NFIA: variants seen among roughly 807,000 people sequenced by gnomAD.
NFIA encodes nuclear factor I A.
In NFIA, 8 loss-of-function variants were observed where a neutral mutation model predicts 62.8. The observed-to-expected ratio is 0.13, with a 90% CI of 0.07 to 0.23. The LOEUF (loss-of-function observed/expected upper bound fraction) is 0.23, where lower values mean the gene tolerates loss of function less well. NFIA is among the 10% of genes least tolerant of loss of function. The pLI is 1.00. For synonymous variants in NFIA, 235 were observed against 238.1 expected (o/e 0.99, Z 0.12); for missense variants, 410 against 642.1 (o/e 0.64, Z 3.91).
At chr1:61,413,361 A>G (rs1454017721) in intron 9 of NFIA, among the ~76,000 whole-genome samples, 2 of 152,118 alleles carry the variant, frequency 1.3e-5, no homozygotes, top group Non-Finnish European at 2.9e-5. Context: ...CTTTTTACAT[A>G]TGTATTATCT....
intron 6 of NFIA, among the ~76,000 whole-genome samples, chr1:61,379,337 C>T (rs1664295699): frequency 6.6e-6 from 1 of 151,736 alleles, no homozygotes; most frequent in South Asian, 2.1e-4. Context: ...ATCCTCCTGC[C>T]TCAGCCTTCT....
chr1:61,248,337 A>G (rs932786557), intron 2 of NFIA, among the ~76,000 whole-genome samples: 1 of 152,208 alleles, frequency 6.6e-6, no homozygotes, highest in Non-Finnish European at 1.5e-5. Flanking sequence ...TGGATTTCGT[A>G]AAAATGCACA....
chr1:61,085,115 C>T (rs956064759), intron 1 of NFIA, among the ~76,000 whole-genome samples: 8 of 151,580 alleles, frequency 5.3e-5, no homozygotes, highest in Non-Finnish European at 1.2e-4. Flanking sequence ...GTTTATTGCT[C>T]ATTAAAAAAA....
At chr1:61,252,503 T>A (rs941503712) in intron 2 of NFIA, among the ~76,000 whole-genome samples, 1 of 152,222 alleles carries the variant, frequency 6.6e-6, no homozygotes, top group Non-Finnish European at 1.5e-5. Context: ...TACAAAAATT[T>A]CTGTCAGATT....
Position 61,274,334 on chromosome 1 carries a change from C to CT in NFIA, c.560-3185dup, listed in dbSNP as rs752234690. On this transcript the variant is annotated intron_variant, in intron 2 of 10. Transcript: ENST00000403491. ...TTGCTTTTCAAGGTTAGGTTGAAGT[C>CT]TAAGTTTCCTTAAACAAAAAGCAAA... 1.9e-3 allele frequency among the ~76,000 whole-genome samples: 287 copies of CT among 152,252 alleles called. 1 individual carries two copies. Among genetic ancestry groups the CT allele is most frequent in the Admixed American group, 6.0e-3 (92 of 15,284 alleles).
intron 5 of NFIA, among the ~76,000 whole-genome samples, chr1:61,358,614 G>C (rs746750903): frequency 6.6e-6 from 1 of 152,006 alleles, no homozygotes; most frequent in Non-Finnish European, 1.5e-5. Context: ...TCAAACTCCT[G>C]ACCTCAAGTG....
At chr1:61,207,652 T>C (rs947757146) in intron 2 of NFIA, among the ~76,000 whole-genome samples, 4 of 152,164 alleles carry the variant, frequency 2.6e-5, no homozygotes, top group African/African-American at 9.7e-5. Context: ...CCAGATGGAA[T>C]TCCTATGAAT....
intron 3 of NFIA, among the ~76,000 whole-genome samples, chr1:61,297,195 C>T (rs887431966): frequency 1.3e-5 from 2 of 152,194 alleles, no homozygotes; most frequent in Admixed American, 6.5e-5. Context: ...AAATCACTCT[C>T]TTTTCAAGAT....
At chr1:61,282,491 C>T (rs1325165790) in intron 3 of NFIA, among the ~76,000 whole-genome samples, 1 of 152,140 alleles carries the variant, frequency 6.6e-6, no homozygotes, top group African/African-American at 2.4e-5. Context: ...ATTTACAGGG[C>T]CTGTGAACAG....
chr1:61,234,762 T>TA (rs1309566681), intron 2 of NFIA, among the ~76,000 whole-genome samples: 1 of 152,218 alleles, frequency 6.6e-6, no homozygotes, highest in African/African-American at 2.4e-5. Flanking sequence ...GCGGATGACT[T>TA]ACAAGTTACT....
intron 2 of NFIA, among the ~76,000 whole-genome samples, chr1:61,253,209 G>A (rs992840987): frequency 6.6e-6 from 1 of 152,186 alleles, no homozygotes; most frequent in Non-Finnish European, 1.5e-5. Context: ...ATAAGCAGAT[G>A]ACAGTAATCC....
intron 3 of NFIA, among the ~76,000 whole-genome samples, chr1:61,293,502 G>A (rs904704051): frequency 1.2e-4 from 18 of 152,312 alleles, no homozygotes; most frequent in African/African-American, 3.4e-4. Flanking sequence ...TGAATTCTTG[G>A]ATGGCCAGTC....
At chr1:61,396,875 A>G (rs1321171609) in intron 7 of NFIA, among the ~76,000 whole-genome samples, 1 of 151,936 alleles carries the variant, frequency 6.6e-6, no homozygotes, top group African/African-American at 2.4e-5. Flanking sequence ...GATGGTAGGC[A>G]CCTGTAGTCC....
chr1:61,191,039 A>ATT (rs138603951), intron 2 of NFIA, among the ~76,000 whole-genome samples: 1 of 147,096 alleles, frequency 6.8e-6, no homozygotes. Context: ...AAAATGAAGG[A>ATT]TTTTTTTTTT....
rs142191502 is a variant in NFIA, at chr1:61,372,802, T to C, written c.947-10435T>C. 2.4e-3 allele frequency among the ~76,000 whole-genome samples: 364 copies of C among 152,228 alleles called. 5 individuals are homozygous for C. Among genetic ancestry groups the C allele is most frequent in the African/African-American group, 8.3e-3 (347 of 41,562 alleles). ...ATCAGTATAGTGAACATACTTGAATTTGAAGTATTTTTAAGCTTTGAAGGG... is the reference window on the plus strand; with the variant it reads ...ATCAGTATAGTGAACATACTTGAATCTGAAGTATTTTTAAGCTTTGAAGGG... On this transcript the variant is annotated intron_variant, in intron 6 of 10. Coordinates refer to ENST00000403491, the MANE Select transcript of NFIA (RefSeq NM_001134673.4).
At chr1:61,280,875 A>C (rs1658088759) in intron 3 of NFIA, among the ~76,000 whole-genome samples, 1 of 152,202 alleles carries the variant, frequency 6.6e-6, no homozygotes, top group African/African-American at 2.4e-5. Flanking sequence ...AAAAGACCTG[A>C]GTTCAAATTA....
intron 2 of NFIA, among the ~76,000 whole-genome samples, chr1:61,257,708 A>G (rs1157297310): frequency 1.3e-5 from 2 of 150,100 alleles, no homozygotes; most frequent in African/African-American, 4.9e-5. Flanking sequence ...ATCTTTGTTT[A>G]TTTATTATTT....
intron 2 of NFIA, among the ~76,000 whole-genome samples, chr1:61,224,379 G>A (rs1654200066): frequency 6.6e-6 from 1 of 152,106 alleles, no homozygotes; most frequent in Admixed American, 6.5e-5. Flanking sequence ...CTTGGAGAGA[G>A]TCATGACGCA....
chr1:61,297,201 A>G (rs1659233597), intron 3 of NFIA, among the ~76,000 whole-genome samples: 1 of 152,188 alleles, frequency 6.6e-6, no homozygotes, highest in South Asian at 2.1e-4. Context: ...CTCTCTTTTC[A>G]AGATGTTTTC....
Sources: allele counts gnomAD v4.1 joint callset (sites outside exome capture counted in the v4.1 genomes callset), GRCh38; gene constraint gnomAD v4.1.1; transcripts MANE v1.5; gene names NCBI Gene and HGNC (gene_info 2026-07-23, HGNC 2026-07-21).